Variants in STK36 observed in about 807,000 individuals in gnomAD.
STK36 encodes the protein serine/threonine-protein kinase 36.
A neutral mutation model predicts 142.2 loss-of-function variants in STK36; 116 were observed. The ratio of observed to expected loss-of-function variants is 0.82; its 90% CI spans 0.70 to 0.95. STK36 has a LOEUF of 0.95. STK36 is among the 40% of genes least tolerant of loss of function. The pLI, the probability that STK36 is intolerant of heterozygous loss-of-function variation, is 0.00. For synonymous variants in STK36, 619 were observed against 641.7 expected (o/e 0.96, Z 0.53); for missense variants, 1,422 against 1,617.2 (o/e 0.88, Z 2.07).
Position 218,701,929 on chromosome 2 carries a change from C to T in STK36, c.3868C>T (p.Pro1290Ser). 6.2e-7 allele frequency: 1 copy of T among 1,614,174 alleles called. No individual in the cohort carries two copies. The highest frequency in any genetic ancestry group is 2.2e-5 in the East Asian group (1 of 44,882). The change falls in exon 27 of 27, where the codon CCA (proline) becomes TCA (serine). Residue 1290 changes from proline (P) to serine (S), a missense_variant. Pro to Ser is a moderately conservative substitution (Grantham distance 74). Coordinates refer to ENST00000295709, the MANE Select transcript of STK36 (RefSeq NM_015690.5). ...GCTCTCTCTGGGGAATCAGTCACTG[C>T]CACACAGCAGTCCTAGGCCTGCCTC... is the stretch of plus-strand genomic sequence containing the variant. Reference protein sequence around the residue: ...SLLSLGNQSLPHSSPRPASAK... With the variant: ...SLLSLGNQSLSHSSPRPASAK...
At chr2:218,681,791 T>G (rs1940531637) in intron 10 of STK36, among the ~76,000 whole-genome samples, 1 of 152,238 alleles carries the variant, frequency 6.6e-6, no homozygotes, top group Non-Finnish European at 1.5e-5. Context: ...CAGTCCATTC[T>G]TGAAGGCAGA....
In STK36 at chr2:218,694,108, C is replaced by T; in HGVS notation, c.2336+125C>T. On this transcript the variant is annotated intron_variant, in intron 19 of 26. Transcript: ENST00000295709. This position sits in a 1 kb window ranked among gnomAD's most constrained non-coding sequence, Gnocchi z 4.4. Reference sequence around the variant, plus strand: ...AGGAATTGGGATAGAGAGCGTGAAGCTTTCTCTACAAAGAACAGACCTAGA... The same window carrying T: ...AGGAATTGGGATAGAGAGCGTGAAGTTTTCTCTACAAAGAACAGACCTAGA... 11 of 1,215,492 alleles carry T rather than the reference C, an allele frequency of 9.0e-6. No homozygotes were observed. The South Asian group carries it at 1.4e-4, about 15-fold the overall frequency. 75.3% of individuals were successfully genotyped at this position (1,215,492 alleles called of 1,614,324 possible). A position where few individuals can be genotyped will look rare whatever the true frequency, so the allele number is the denominator to read the frequency against.
chr2:218,690,797 A>T (rs766177325), intron 14 of STK36, among the ~76,000 whole-genome samples: 1 of 152,270 alleles, frequency 6.6e-6, no homozygotes, highest in Non-Finnish European at 1.5e-5. Context: ...AGAACTTTGC[A>T]TATAATACAA....
At chr2:218,672,633 G>T in intron 1 of STK36, 108 bp from the exon 2 acceptor site, 1 of 553,804 alleles carries the variant, frequency 1.8e-6, no homozygotes. Context: ...TTCCAAGAGC[G>T]CATCATCTTT....
At chr2:218,682,137 G>A (rs1271570337) in intron 10 of STK36, among the ~76,000 whole-genome samples, 1 of 152,114 alleles carries the variant, frequency 6.6e-6, no homozygotes, top group Non-Finnish European at 1.5e-5. Flanking sequence ...ATGTTGGCTA[G>A]GCTGGTCTCA....
chr2:218,697,228 G>C lies in STK36; in HGVS notation c.2761+15G>C. 6.2e-7 allele frequency: 1 copy of C among 1,606,666 alleles called. No homozygotes were observed. The highest frequency in any genetic ancestry group is 8.5e-7 in the Non-Finnish European group (1 of 1,177,012). On this transcript the variant is annotated intron_variant, in intron 23 of 26. Coordinates refer to ENST00000295709, the MANE Select transcript of STK36 (RefSeq NM_015690.5). ...TTCTCCCCAGGGTATCTTTCTATCA[G>C]TATCCTTTTTGGGAGTGCATTGATC...
intron 6 of STK36, among the ~76,000 whole-genome samples, chr2:218,678,750 G>A (rs1219138197): frequency 6.6e-6 from 1 of 152,182 alleles, no homozygotes; most frequent in Non-Finnish European, 1.5e-5. Context: ...AACCAAAAAT[G>A]CATCTGTTCC....
chr2:218,701,011 CAAAA>C (rs11301260), intron 26 of STK36, among the ~76,000 whole-genome samples: 2 of 80,288 alleles, frequency 2.5e-5, no homozygotes, highest in African/African-American at 7.7e-5. Context: ...GACTCTGTCT[CAAAA>C]AAAAAAAAAA....
At chr2:218,674,846 C>T (rs1440153014) in intron 4 of STK36, among the ~76,000 whole-genome samples, 11 of 152,126 alleles carry the variant, frequency 7.2e-5, no homozygotes, top group Admixed American at 2.6e-4. Context: ...GTGATCTGCC[C>T]GCCTCAGCCT....
chr2:218,701,535 T>C (rs7562642), intron 26 of STK36, among the ~76,000 whole-genome samples: 9,180 of 152,198 alleles, frequency 0.06, 920 homozygotes, highest in African/African-American at 0.21. Context: ...TGGTCTGCAT[T>C]GAAGGCTAGG....
In STK36 at chr2:218,688,807, G is replaced by A; in HGVS notation, c.1491G>A (p.Arg497=). ...CTGTTGCCTTGTATTCCTTCTGCCG[G>A]GAGGCAGGGCTTCCTGGGCTGCTGC... ...SDSVALYSFC[R]EAGLPGLLLS... Residue 497 remains arginine, a synonymous_variant, in exon 12 of 27, where the codon CGG becomes CGA. Coordinates refer to ENST00000295709, the MANE Select transcript of STK36 (RefSeq NM_015690.5). The A allele has an allele frequency of 6.2e-7, 1 of 1,613,854 alleles. No homozygotes were observed. Among genetic ancestry groups the A allele is most frequent in the Middle Eastern group, 1.7e-4 (1 of 5,850 alleles).
rs767319264 is a variant in STK36, at chr2:218,701,964, C to G, written c.3903C>G (p.His1301Gln). 4 of 1,614,160 alleles carry G rather than the reference C, an allele frequency of 2.5e-6. No individual in the cohort carries two copies. The South Asian group carries it at 4.4e-5, about 18-fold the overall frequency. Reference protein sequence around the residue: ...HSSPRPASAKHCRKLIHLLRP... With the variant: ...HSSPRPASAKQCRKLIHLLRP... ...GTCCTAGGCCTGCCTCTGCCAAACA[C>G]TGCAGGAAACTCATTCACCTCCTGA... The change falls in exon 27 of 27, where the codon CAC becomes CAG. Residue 1301 changes from histidine to glutamine, a missense_variant. Around this residue, in one of 2 missense-constraint regions of STK36, gnomAD observed 962 missense variants for 1,167.5 expected, o/e 0.82. Coordinates refer to ENST00000295709, the MANE Select transcript of STK36 (RefSeq NM_015690.5).
Position 218,674,146 on chromosome 2 carries a change from A to G in STK36, c.303+190A>G, listed in dbSNP as rs575809529. Among the ~76,000 whole-genome samples, 4 of 152,358 alleles carry G rather than the reference A, an allele frequency of 2.6e-5. No individual in the cohort carries two copies. In the East Asian group the frequency reaches 5.8e-4, roughly 22 times the overall value. On this transcript the variant is annotated intron_variant, in intron 4 of 26. Transcript: ENST00000295709. Reference sequence around the variant, plus strand: ...AACGTTGGAGTCAAAATATCTGAGCAGGAAGCTTGGCTCTGCTCCTTCCTA... The same window carrying G: ...AACGTTGGAGTCAAAATATCTGAGCGGGAAGCTTGGCTCTGCTCCTTCCTA...
chr2:218,682,971 G>A (rs1393581186), intron 10 of STK36, among the ~76,000 whole-genome samples: 1 of 152,152 alleles, frequency 6.6e-6, no homozygotes, highest in African/African-American at 2.4e-5. Flanking sequence ...TTTTATGACT[G>A]ATAGTTTTGA....
chr2:218,680,639 C>T lies in STK36; in HGVS notation c.1173C>T (p.Phe391=). 1 of 1,613,628 alleles carries T rather than the reference C, an allele frequency of 6.2e-7. No individual in the cohort carries two copies. The highest frequency in any genetic ancestry group is 8.5e-7 in the Non-Finnish European group (1 of 1,179,886). ...NRTTPDCERA[F]PEERPEVLGQ... is the part of the protein sequence containing the mutation. ...CCACCCCAGATTGTGAACGAGCATT[C>T]CCAGAGGAGAGGCCAGAGGTGCTGG... Residue 391 remains phenylalanine (F), a synonymous_variant, in exon 10 of 27, where the codon TTC becomes TTT. Transcript: ENST00000295709.
intron 6 of STK36, 60 bp downstream of exon 6, chr2:218,676,338 G>A: frequency 1.3e-6 from 2 of 1,583,672 alleles, no homozygotes; most frequent in South Asian, 1.1e-5. Flanking sequence ...CTCTATCTCT[G>A]TTCCTTTTTC....
chr2:218,680,002 T>C lies in STK36; in HGVS notation c.1058T>C (p.Leu353Pro). Residue 353 changes from leucine (L) to proline (P), a missense_variant, in exon 9 of 27, where the codon CTC becomes CCC. Physicochemically the swap from Leu to Pro is moderately conservative, Grantham distance 98. Around this residue, in one of 2 missense-constraint regions of STK36, gnomAD observed 460 missense variants for 449.6 expected, o/e 1.02. Transcript: ENST00000295709. ...RLGATPQESS[L>P]LAGILASELK... ...GGGGCCACTCCTCAGGAATCAAGCC[T>C]CCTGGCCGGGATCTTAGCCTCAGAA... 6.2e-7 allele frequency: 1 copy of C among 1,614,116 alleles called. No individual in the cohort carries two copies.
chr2:218,677,058 C>T (rs997313695), intron 6 of STK36, among the ~76,000 whole-genome samples: 1 of 151,996 alleles, frequency 6.6e-6, no homozygotes, highest in Non-Finnish European at 1.5e-5. Flanking sequence ...CTCAGCCTCC[C>T]GAGTAGCTGG....
rs1185280907 is a variant in STK36 at position 218,693,224 on chromosome 2, A to G, written c.2044-16A>G. On this transcript the variant is annotated splice_polypyrimidine_tract_variant and intron_variant, in intron 16 of 26. Coordinates refer to ENST00000295709, the MANE Select transcript of STK36 (RefSeq NM_015690.5). ...ATCATGTGGATAGGATTGAGCCTTC[A>G]GGTATGTCTCTATAGGTCTGTTGGC... is the stretch of plus-strand genomic sequence containing the variant. 1.2e-6 allele frequency: 2 copies of G among 1,610,862 alleles called. No individual in the cohort carries two copies. Among genetic ancestry groups the G allele is most frequent in the Non-Finnish European group, 1.7e-6 (2 of 1,177,212 alleles).
Sources: gnomAD v4.1 joint callset for allele counts (sites outside exome capture counted in the v4.1 genomes callset) on GRCh38, gnomAD v4.1.1 for gene constraint, gnomAD v4.1.1 regional missense constraint, Gnocchi (gnomAD v3.1) non-coding constraint, MANE v1.5 for transcripts, NCBI Gene and HGNC (gene_info 2026-07-23, HGNC 2026-07-21) for gene names.